Variants in RADIL observed in about 807,000 individuals in gnomAD.
RADIL encodes Rap associating with DIL domain.
A neutral mutation model predicts 97.6 loss-of-function variants in RADIL; 99 were observed. That is an observed-to-expected ratio of 1.01 (90% CI 0.86 to 1.20). The LOEUF (loss-of-function observed/expected upper bound fraction) is 1.20, where lower values mean the gene tolerates loss of function less well. RADIL is among the 50% of genes most tolerant of loss of function. RADIL has a pLI of 0.00. For missense variants in RADIL, 1,765 were observed against 1,498.9 expected (o/e 1.18, Z -2.93); for synonymous variants, 803 against 691.8 (o/e 1.16, Z -2.52).
chr7:4,859,817 TG>T, intron 2 of RADIL: 3 of 822,028 alleles, frequency 3.6e-6, no homozygotes, highest in Non-Finnish European at 5.8e-6. Context: ...TACTTGTCTT[TG>T]TATTGAGTTT....
At chr7:4,864,666 C>A (rs1037546023) in intron 2 of RADIL, among the ~76,000 whole-genome samples, 4 of 152,192 alleles carry the variant, frequency 2.6e-5, no homozygotes, top group African/African-American at 9.6e-5. Flanking sequence ...TCATTCTGGA[C>A]ACCTCCCTGT....
At chr7:4,866,130 G>A (rs150420410) in intron 2 of RADIL, among the ~76,000 whole-genome samples, 28 of 152,212 alleles carry the variant, frequency 1.8e-4, no homozygotes, top group South Asian at 1.7e-3. Context: ...GTGTGTGTGC[G>A]TGTGCATGTG....
Position 4,878,983 on chromosome 7 carries a change from A to G in RADIL, c.-64-780T>C, listed in dbSNP as rs994870480. Among the ~76,000 whole-genome samples, 1 of 152,246 alleles carries G rather than the reference A, an allele frequency of 6.6e-6. No individual in the cohort carries two copies. The highest frequency in any genetic ancestry group is 1.5e-5 in the Non-Finnish European group (1 of 68,040). On this transcript the variant is annotated intron_variant, in intron 1 of 14. Coordinates refer to ENST00000399583, the MANE Select transcript of RADIL (RefSeq NM_018059.5). This position sits in a 1 kb window ranked among gnomAD's most constrained non-coding sequence, Gnocchi z 4.1. ...CGCAGCCACGTTGGCAGAATAGACC[A>G]TCAGACATTCCAGACACAAACCCCC...
At position 4,832,087 on chromosome 7, in the gene RADIL, G is replaced by A; in HGVS notation, c.1454+54C>T. The A allele has an allele frequency of 3.1e-6, 5 of 1,594,020 alleles. No homozygotes were observed. In the South Asian group the frequency reaches 5.6e-5, roughly 18 times the overall value. ...GGGACTTGGCTCCCCCGGGAAGTGTGAGCCCCCAGGACCTGCTGCCCAGAG... is the reference window on the plus strand; with the variant it reads ...GGGACTTGGCTCCCCCGGGAAGTGTAAGCCCCCAGGACCTGCTGCCCAGAG... On this transcript the variant is annotated intron_variant, in intron 5 of 14. Transcript: ENST00000399583.
At chr7:4,826,321 G>A (rs1031925331) in intron 5 of RADIL, among the ~76,000 whole-genome samples, 4 of 152,252 alleles carry the variant, frequency 2.6e-5, no homozygotes, top group South Asian at 2.1e-4. Flanking sequence ...ATGAAAGCCC[G>A]GAAGTGAGGA....
intron 2 of RADIL, among the ~76,000 whole-genome samples, chr7:4,875,647 G>A (rs984956569): frequency 2.0e-5 from 3 of 152,298 alleles, no homozygotes; most frequent in African/African-American, 7.2e-5. Flanking sequence ...CTTTTTGCCC[G>A]CTGCTTGGCA....
chr7:4,875,108 C>T (rs1784341847), intron 2 of RADIL, among the ~76,000 whole-genome samples: 3 of 141,438 alleles, frequency 2.1e-5, no homozygotes, highest in South Asian at 4.2e-4. Context: ...AGGAGAATGG[C>T]GTGAACCCGG....
In RADIL at chr7:4,880,511, A is replaced by G. The variant is rs1323572339; in HGVS notation, c.-64-2308T>C. On this transcript the variant is annotated intron_variant, in intron 1 of 14. Transcript: ENST00000399583. This position sits in a 1 kb window ranked among gnomAD's most constrained non-coding sequence, Gnocchi z 4.5. ...ACAAAACCCCTCAAAGAGCCTCTCCAGCCGGCACTTATTAACCATCCATGA... is the reference window on the plus strand; with the variant it reads ...ACAAAACCCCTCAAAGAGCCTCTCCGGCCGGCACTTATTAACCATCCATGA... Among the ~76,000 whole-genome samples, 1 of 152,218 alleles carries G rather than the reference A, an allele frequency of 6.6e-6. No homozygotes were observed. Among genetic ancestry groups the G allele is most frequent in the Non-Finnish European group, 1.5e-5 (1 of 68,034 alleles).
At position 4,880,774 on chromosome 7, in the gene RADIL, G is replaced by C. The variant is rs550582472; in HGVS notation, c.-64-2571C>G. On this transcript the variant is annotated intron_variant, in intron 1 of 14. Transcript: ENST00000399583. The surrounding 1 kb of genome is among the most constrained non-coding windows in gnomAD (Gnocchi z 4.5). Reference sequence around the variant, plus strand: ...GAAGTCTGAATGCTGATATAAATACGATACCAAAAACTGGGGAAGCCCCCT... The same window carrying C: ...GAAGTCTGAATGCTGATATAAATACCATACCAAAAACTGGGGAAGCCCCCT... Among the ~76,000 whole-genome samples the C allele has an allele frequency of 3.3e-5, 5 of 152,256 alleles. No individual in the cohort carries two copies. The highest frequency in any genetic ancestry group is 1.2e-4 in the African/African-American group (5 of 41,560).
At position 4,836,789 on chromosome 7, in the gene RADIL, T is replaced by C. The variant is rs142648192; in HGVS notation, c.536-184A>G. Among the ~76,000 whole-genome samples the C allele has an allele frequency of 9.2e-3, 1,393 of 151,932 alleles. 21 individuals carry two copies. The highest frequency in any genetic ancestry group is 0.032 in the African/African-American group (1,317 of 41,408). On this transcript the variant is annotated intron_variant, in intron 2 of 14. Transcript: ENST00000399583. ...CCCATTTCTACTAAAAATACAAAAA[T>C]GAGTTGGGCGTGGTGGTGCGCATCT...
Position 4,837,913 on chromosome 7 carries a change from C to T in RADIL, c.536-1308G>A, listed in dbSNP as rs1783343974. On this transcript the variant is annotated intron_variant, in intron 2 of 14. Transcript: ENST00000399583. The surrounding 1 kb of genome is among the most constrained non-coding windows in gnomAD (Gnocchi z 5.6). The stretch of plus-strand genomic sequence containing the variant: ...AGCCTTTCAGGTTAAGATCCATCCC[C>T]ATCTGTGGCGGCCTTTCCTCCAACC... 1.0e-6 allele frequency: 1 copy of T among 985,306 alleles called. No homozygotes were observed. Among genetic ancestry groups the T allele is most frequent in the Admixed American group, 6.1e-5 (1 of 16,264 alleles). The allele number at this position is 985,306 out of a possible 1,614,324, so 61.0% of individuals were successfully genotyped here. A position where few individuals can be genotyped will look rare whatever the true frequency, so the allele number is the denominator to read the frequency against.
chr7:4,799,968 G>A (rs1349266222), intron 13 of RADIL, among the ~76,000 whole-genome samples, 199 bp from the exon 14 acceptor site: 3 of 152,224 alleles, frequency 2.0e-5, no homozygotes, highest in Non-Finnish European at 4.4e-5. Flanking sequence ...AAGGCTTGAG[G>A]ACAGAGGCAA....
chr7:4,861,677 T>C, intron 2 of RADIL: 5 of 1,593,484 alleles, frequency 3.1e-6, no homozygotes, highest in Non-Finnish European at 4.3e-6. Context: ...CCTGAGGGTT[T>C]CTATTAGCCT....
rs1016512801 is a variant in RADIL at position 4,840,923 on chromosome 7, C to T, written c.536-4318G>A. The stretch of plus-strand genomic sequence containing the variant: ...TGGAGGTTGCAGTGACCTGAGATCG[C>T]ACCACTGCACTCCAGCCTGGGTGAC... On this transcript the variant is annotated intron_variant, in intron 2 of 14. Coordinates refer to ENST00000399583, the MANE Select transcript of RADIL (RefSeq NM_018059.5). This position sits in a 1 kb window ranked among gnomAD's most constrained non-coding sequence, Gnocchi z 5.6. Among the ~76,000 whole-genome samples the T allele has an allele frequency of 6.6e-6, 1 of 152,184 alleles. No individual in the cohort carries two copies. The highest frequency in any genetic ancestry group is 2.4e-5 in the African/African-American group (1 of 41,454).
At position 4,803,833 on chromosome 7, in the gene RADIL, G is replaced by A. The variant is rs986109842; in HGVS notation, c.2291-79C>T. The A allele has an allele frequency of 3.9e-6, 5 of 1,297,738 alleles. No individual in the cohort carries two copies. The Admixed American group carries it at 7.9e-5, about 20-fold the overall frequency. 80.4% of individuals were successfully genotyped at this position (1,297,738 alleles called of 1,614,324 possible). Reference sequence around the variant, plus strand: ...CCAGGCCGCCCCGCCCAACGGTGTGGGAACCCAGGGGCCAGCAGATTGAGC... The same window carrying A: ...CCAGGCCGCCCCGCCCAACGGTGTGAGAACCCAGGGGCCAGCAGATTGAGC... On this transcript the variant is annotated intron_variant, in intron 10 of 14. Coordinates refer to ENST00000399583, the MANE Select transcript of RADIL (RefSeq NM_018059.5).
chr7:4,834,935 G>A lies in RADIL; in HGVS notation c.1088C>T (p.Pro363Leu), dbSNP rs966919411. ...LLFKDPAQAQ[P>L]LPARALARLR... ...GCGCGCCAAGGCCCGGGCGGGCAGG[G>A]GCTGGGCCTGCGCGGGGTCCTTGAA... The change falls in exon 4 of 15, where the codon CCC becomes CTC. Residue 363 changes from proline to leucine, a missense_variant. Coordinates refer to ENST00000399583, the MANE Select transcript of RADIL (RefSeq NM_018059.5). The surrounding 1 kb of genome is among the most constrained non-coding windows in gnomAD (Gnocchi z 6.0). 6.3e-6 allele frequency: 10 copies of A among 1,593,936 alleles called. No homozygotes were observed. The highest frequency in any genetic ancestry group is 1.7e-4 in the Middle Eastern group (1 of 6,016).
At position 4,819,194 on chromosome 7, in the gene RADIL, C is replaced by T. The variant is rs1451900773; in HGVS notation, c.1616-1843G>A. 6.6e-6 allele frequency among the ~76,000 whole-genome samples: 1 copy of T among 152,080 alleles called. No individual in the cohort carries two copies. The highest frequency in any genetic ancestry group is 1.5e-5 in the Non-Finnish European group (1 of 68,012). ...TCAAGCGATTCTCCTGCCTCAGCCT[C>T]CCAAGTAGCTAGGACTACAGGCACA... On this transcript the variant is annotated intron_variant, in intron 6 of 14. Transcript: ENST00000399583. This position sits in a 1 kb window ranked among gnomAD's most constrained non-coding sequence, Gnocchi z 5.8.
Position 4,803,684 on chromosome 7 carries a change from C to T in RADIL, c.2361G>A (p.Leu787=). The T allele has an allele frequency of 6.4e-7, 1 of 1,560,016 alleles. No homozygotes were observed. The highest frequency in any genetic ancestry group is 8.7e-7 in the Non-Finnish European group (1 of 1,152,728). The change falls in exon 11 of 15, where the codon TTG becomes TTA. Residue 787 remains leucine (L), a synonymous_variant. Transcript: ENST00000399583. ...VLPSDGFQVD[L]EANCLDDSIY... ...TGCTGTCGTCCAGGCAGTTGGCTTC[C>T]AAGTCCACCTGGAAGCCGTCGCTGG...
chr7:4,860,472 GCTT>G (rs1315174209), intron 2 of RADIL: 1 of 1,614,086 alleles, frequency 6.2e-7, no homozygotes, highest in Admixed American at 1.7e-5. Context: ...GAATTATCTG[GCTT>G]TTTTAGCCCT....
Sources: gnomAD v4.1 joint callset for allele counts (sites outside exome capture counted in the v4.1 genomes callset) on GRCh38, gnomAD v4.1.1 for gene constraint, Gnocchi (gnomAD v3.1) non-coding constraint, MANE v1.5 for transcripts, NCBI Gene and HGNC (gene_info 2026-07-23, HGNC 2026-07-21) for gene names.